Variants in GRIN2D observed in about 807,000 individuals in gnomAD.
GRIN2D encodes the protein glutamate ionotropic receptor NMDA type subunit 2D.
A neutral mutation model predicts 103.2 loss-of-function variants in GRIN2D; 37 were observed. The ratio of observed to expected loss-of-function variants is 0.36; its 90% CI spans 0.28 to 0.47. GRIN2D has a LOEUF of 0.47. Ranked by LOEUF, GRIN2D falls within the 20% of genes least tolerant of loss-of-function variation. The pLI is 1.00. For missense variants in GRIN2D, 1,557 were observed against 1,910.6 expected (o/e 0.81, Z 3.45); for synonymous variants, 845 against 885.6 (o/e 0.95, Z 0.81).
chr19:48,401,824 G>A (rs1252907299), intron 3 of GRIN2D, among the ~76,000 whole-genome samples: 1 of 152,240 alleles, frequency 6.6e-6, no homozygotes, highest in African/African-American at 2.4e-5. Flanking sequence ...AGATAGGCTG[G>A]GCGCAGTGGC....
chr19:48,403,363 C>T (rs920819768), intron 3 of GRIN2D, among the ~76,000 whole-genome samples: 4 of 152,176 alleles, frequency 2.6e-5, no homozygotes, highest in Non-Finnish European at 5.9e-5. Context: ...ATTTGAAAGC[C>T]ACAAGCCACA....
rs138874271 is a variant in GRIN2D, at chr19:48,401,439, C to T, written c.465+2582C>T. Among the ~76,000 whole-genome samples the T allele has an allele frequency of 2.2e-3, 334 of 152,164 alleles. 1 individual carries two copies. Among genetic ancestry groups the T allele is most frequent in the African/African-American group, 7.5e-3 (311 of 41,512 alleles). ...GCAGTCAGGGGAGGCCTCCCTGAGG[C>T]GGTGACACCTGAGCTGGAGGTGTCA... is the stretch of plus-strand genomic sequence containing the variant. On this transcript the variant is annotated intron_variant, in intron 3 of 13. Transcript: ENST00000263269.
At position 48,398,850 on chromosome 19, in the gene GRIN2D, C is replaced by G. The variant is rs1970675576; in HGVS notation, c.458C>G (p.Thr153Arg). The G allele has an allele frequency of 7.4e-7, 1 of 1,348,646 alleles. No individual in the cohort carries two copies. 83.5% of individuals were successfully genotyped at this position (1,348,646 alleles called of 1,614,324 possible). A position where few individuals can be genotyped will look rare whatever the true frequency, so the allele number is the denominator to read the frequency against. Residue 153 changes from threonine to arginine, a missense_variant, in exon 3 of 14, where the codon ACG becomes AGG. By Grantham distance (71) the Thr-to-Arg change is moderately conservative. Coordinates refer to ENST00000263269, the MANE Select transcript of GRIN2D (RefSeq NM_000836.4). Reference protein sequence around the residue: ...AVHGGAALVLTPKEKGSTFLQ... With the variant: ...AVHGGAALVLRPKEKGSTFLQ... ...CACGGCGGCGCCGCGCTCGTGCTCA[C>G]GCCCAAGGTGCGCGCGACCGGGGCG...
intron 8 of GRIN2D, among the ~76,000 whole-genome samples, chr19:48,418,737 G>A (rs1006923803): frequency 6.6e-6 from 1 of 152,108 alleles, no homozygotes; most frequent in African/African-American, 2.4e-5. Context: ...CCCATCATGA[G>A]GAGCGTGGGA....
At chr19:48,415,859 C>T (rs894767455) in intron 7 of GRIN2D, 143 bp from the exon 8 acceptor site, 4 of 712,582 alleles carry the variant, frequency 5.6e-6, no homozygotes, top group African/African-American at 5.2e-5. Context: ...CGTCCCCCTC[C>T]TCACCCACCT....
chr19:48,428,551 C>T (rs1204536645), intron 11 of GRIN2D, among the ~76,000 whole-genome samples: 2 of 151,660 alleles, frequency 1.3e-5, no homozygotes, highest in African/African-American at 4.8e-5. Flanking sequence ...TTAGTAGAGA[C>T]GGAGTTTCAC....
chr19:48,443,632 C>G lies in GRIN2D; in HGVS notation c.3706C>G (p.Pro1236Ala), dbSNP rs1043085352. Residue 1236 changes from proline (P) to alanine (A), a missense_variant, in exon 14 of 14, where the codon CCG becomes GCG. By Grantham distance (27) the Pro-to-Ala change is conservative (BLOSUM62 -1). Around this residue, in one of 7 missense-constraint regions of GRIN2D, gnomAD observed 632 missense variants for 572.8 expected, o/e 1.10. Coordinates refer to ENST00000263269, the MANE Select transcript of GRIN2D (RefSeq NM_000836.4). This position sits in a 1 kb window ranked among gnomAD's most constrained non-coding sequence, Gnocchi z 8.9. ...CGCPRSHPHR[P>A]RASHRTPAAA... ...GTGCCCGCGGTCGCACCCGCACCGC[C>G]CGCGGGCCTCGCACCGCACGCCCGC... 1.3e-4 allele frequency: 140 copies of G among 1,077,402 alleles called. No homozygotes were observed. The highest frequency in any genetic ancestry group is 1.5e-4 in the Non-Finnish European group (134 of 894,668). The allele number at this position is 1,077,402 out of a possible 1,614,324, so 66.7% of individuals were successfully genotyped here.
At chr19:48,431,528 C>G (rs1034150756) in intron 11 of GRIN2D, among the ~76,000 whole-genome samples, 1 of 150,792 alleles carries the variant, frequency 6.6e-6, no homozygotes, top group Non-Finnish European at 1.5e-5. Flanking sequence ...CCTGTTGTTT[C>G]TTTTCCTTGT....
chr19:48,426,324 T>C (rs1427098255), intron 11 of GRIN2D, among the ~76,000 whole-genome samples: 1 of 150,282 alleles, frequency 6.7e-6, no homozygotes, highest in African/African-American at 2.5e-5. Flanking sequence ...CTCCTGGGTT[T>C]GAGCGGTTCT....
intron 7 of GRIN2D, among the ~76,000 whole-genome samples, chr19:48,415,713 A>T (rs1970939228): frequency 6.6e-6 from 1 of 150,944 alleles, no homozygotes; most frequent in South Asian, 2.1e-4. Context: ...GTGAGAATCT[A>T]GGGGAAGAGG....
intron 11 of GRIN2D, among the ~76,000 whole-genome samples, chr19:48,439,894 G>A (rs1435023616): frequency 6.6e-6 from 1 of 152,196 alleles, no homozygotes; most frequent in African/African-American, 2.4e-5. Context: ...GGTGAGCCCA[G>A]ATCGCACCAT....
In GRIN2D at chr19:48,441,861, A is replaced by G. The variant is rs765114412; in HGVS notation, c.2345A>G (p.Lys782Arg). 6.2e-7 allele frequency: 1 copy of G among 1,613,922 alleles called. No homozygotes were observed. Among genetic ancestry groups the G allele is most frequent in the Non-Finnish European group, 8.5e-7 (1 of 1,180,032 alleles). ...AAGCTTGTCACCATCGGCTCCGGCA[A>G]GGTCTTCGCCACGACAGGCTATGGC... ...GCKLVTIGSG[K>R]VFATTGYGIA... Residue 782 changes from lysine (K) to arginine (R), a missense_variant, in exon 12 of 14, where the codon AAG (lysine) becomes AGG (arginine). Physicochemically the swap from Lys to Arg is conservative, Grantham distance 26. Coordinates refer to ENST00000263269, the MANE Select transcript of GRIN2D (RefSeq NM_000836.4).
In GRIN2D at chr19:48,394,548, G is replaced by A. The variant is rs1970611444; in HGVS notation, c.-305-110G>A. 6.9e-6 allele frequency among the ~76,000 whole-genome samples: 1 copy of A among 144,304 alleles called. No homozygotes were observed. Among genetic ancestry groups the A allele is most frequent in the Non-Finnish European group, 1.5e-5 (1 of 65,768 alleles). The allele number at this position is 144,304 out of a possible 152,430, so 94.7% of individuals were successfully genotyped here. On this transcript the variant is annotated intron_variant, in intron 1 of 13. Transcript: ENST00000263269. This position sits in a 1 kb window ranked among gnomAD's most constrained non-coding sequence, Gnocchi z 5.1. The stretch of plus-strand genomic sequence containing the variant: ...TGGAAAGGGGGGAGGAGCCGGGGCT[G>A]AAGCGGCAGAGGGGGGCACCCCGGG...
chr19:48,443,035 G>A lies in GRIN2D; in HGVS notation c.3109G>A (p.Ala1037Thr). ...GTCGCCGCCCGCGCCCCCCGCCGCC[G>A]CGGCCACCGCCGTCGGGCCGCCACT... The part of the protein sequence containing the change: ...FPSPPAPPAA[A>T]ATAVGPPLCR... Residue 1037 changes from alanine (A) to threonine (T), a missense_variant, in exon 14 of 14, where the codon GCG becomes ACG. This residue lies in a region of GRIN2D where 632 missense variants were observed against 572.8 expected (regional missense o/e 1.10). Transcript: ENST00000263269. The surrounding 1 kb of genome is among the most constrained non-coding windows in gnomAD (Gnocchi z 8.9). 4 of 1,048,870 alleles carry A rather than the reference G, an allele frequency of 3.8e-6. No homozygotes were observed. The highest frequency in any genetic ancestry group is 3.4e-6 in the Non-Finnish European group (3 of 874,226). 65.0% of individuals were successfully genotyped at this position (1,048,870 alleles called of 1,614,324 possible). A position where few individuals can be genotyped will look rare whatever the true frequency, so the allele number is the denominator to read the frequency against.
At chr19:48,436,869 A>G (rs1483975469) in intron 11 of GRIN2D, among the ~76,000 whole-genome samples, 1 of 152,098 alleles carries the variant, frequency 6.6e-6, no homozygotes, top group Non-Finnish European at 1.5e-5. Flanking sequence ...ATGAGGGCAG[A>G]TGGGTAAGGA....
chr19:48,400,165 A>T (rs1163664824), intron 3 of GRIN2D, among the ~76,000 whole-genome samples: 1 of 152,162 alleles, frequency 6.6e-6, no homozygotes, highest in Non-Finnish European at 1.5e-5. Context: ...GGCCAGTTGT[A>T]GCGGACCTCT....
At chr19:48,395,801 G>A (rs559534627) in intron 2 of GRIN2D, among the ~76,000 whole-genome samples, 14 of 152,242 alleles carry the variant, frequency 9.2e-5, no homozygotes, top group Non-Finnish European at 1.3e-4. Context: ...CTTAAGGGAG[G>A]ACAGGAGCCG....
At chr19:48,436,360 AC>A (rs1288711549) in intron 11 of GRIN2D, among the ~76,000 whole-genome samples, 2 of 151,992 alleles carry the variant, frequency 1.3e-5, no homozygotes, top group Non-Finnish European at 2.9e-5. Context: ...GAGCCAGATT[AC>A]CAGTCTGGGT....
At position 48,394,578 on chromosome 19, in the gene GRIN2D, C is replaced by T. The variant is rs1433882284; in HGVS notation, c.-305-80C>T. ...GGCAGAGGGGGGCACCCCGGGTGGG[C>T]GGAGGGGGGATCCCCACGGGGTCGG... On this transcript the variant is annotated intron_variant, in intron 1 of 13. Coordinates refer to ENST00000263269, the MANE Select transcript of GRIN2D (RefSeq NM_000836.4). The surrounding 1 kb of genome is among the most constrained non-coding windows in gnomAD (Gnocchi z 5.1). 1.0e-4 allele frequency among the ~76,000 whole-genome samples: 9 copies of T among 87,656 alleles called. No individual in the cohort carries two copies. The highest frequency in any genetic ancestry group is 3.6e-4 in the South Asian group (1 of 2,740). 57.5% of individuals were successfully genotyped at this position (87,656 alleles called of 152,430 possible). A position where few individuals can be genotyped will look rare whatever the true frequency, so the allele number is the denominator to read the frequency against.
Sources: allele counts gnomAD v4.1 joint callset (sites outside exome capture counted in the v4.1 genomes callset), GRCh38; gene constraint gnomAD v4.1.1; regional missense constraint gnomAD v4.1.1; non-coding constraint Gnocchi (gnomAD v3.1); transcripts MANE v1.5; gene names NCBI Gene and HGNC (gene_info 2026-07-23, HGNC 2026-07-21).